COLEC10: variants seen among roughly 807,000 people sequenced by gnomAD.
COLEC10 encodes the protein collectin subfamily member 10.
In COLEC10, 22 loss-of-function variants were observed where a neutral mutation model predicts 28.4. The observed-to-expected ratio is 0.78, with a 90% CI of 0.55 to 1.11. The LOEUF (loss-of-function observed/expected upper bound fraction) is 1.11. Ranked by LOEUF, COLEC10 falls within the 50% of genes least tolerant of loss-of-function variation. COLEC10 has a pLI of 0.00. For synonymous variants in COLEC10, 125 were observed against 116.1 expected (o/e 1.08, Z -0.49); for missense variants, 361 against 344.1 (o/e 1.05, Z -0.39).
At chr8:119,011,215 TC>T (rs1342018052) in intron 2 of COLEC10, among the ~76,000 whole-genome samples, 9 of 151,072 alleles carry the variant, frequency 6.0e-5, no homozygotes, top group African/African-American at 2.2e-4. Flanking sequence ...GTCCAGTTGT[TC>T]CAGCACTTTG....
chr8:118,983,713 G>T, the COLEC10 span, among the ~76,000 whole-genome samples: 1 of 152,084 alleles, frequency 6.6e-6, no homozygotes, highest in Non-Finnish European at 1.5e-5. Context: ...CTTACATGCA[G>T]CCAACAAGCA....
At chr8:118,957,769 G>A in the COLEC10 span, among the ~76,000 whole-genome samples, 3 of 152,140 alleles carry the variant, frequency 2.0e-5, no homozygotes, top group African/African-American at 7.2e-5. Context: ...AGCCAATCCT[G>A]CACCTCACAT....
At chr8:118,971,816 C>A in the COLEC10 span, among the ~76,000 whole-genome samples, 2 of 151,902 alleles carry the variant, frequency 1.3e-5, no homozygotes, top group African/African-American at 4.8e-5. Context: ...GATCACTTGG[C>A]TAAAAATTTC....
At chr8:119,057,201 TA>T (rs546391711) in intron 2 of COLEC10, among the ~76,000 whole-genome samples, 1,617 of 152,160 alleles carry the variant, frequency 0.011, 16 homozygotes, top group Non-Finnish European at 0.017. Flanking sequence ...CTGATGGTTT[TA>T]TAAGTGTTTG....
In COLEC10 at chr8:119,038,457, GAACA is replaced by G. The variant is rs1207776864; in HGVS notation, n.235+28909_235+28912del. Among the ~76,000 whole-genome samples, 4 of 152,282 alleles carry G rather than the reference GAACA, an allele frequency of 2.6e-5. No homozygotes were observed. The East Asian group carries it at 5.8e-4, about 22-fold the overall frequency. On this transcript the variant is annotated intron_variant and non_coding_transcript_variant, in intron 2 of 6. Transcript: ENST00000521788. Reference sequence around the variant, plus strand: ...TTGGAAAAAGGGAAGACCATAGTGTGAACAAACAGTCTTCTTTTAAACTTTCTTA... The same window carrying G: ...TTGGAAAAAGGGAAGACCATAGTGTGAACAGTCTTCTTTTAAACTTTCTTA...
In COLEC10 at chr8:119,093,959, C is replaced by T. The variant is rs151213371; in HGVS notation, c.292+2739C>T. ...GGAGTGGATACAAGAATCTTGGGAG[C>T]TAGCTAAGAGGAGCTTGAGGGAGAA... On this transcript the variant is annotated intron_variant, in intron 3 of 5. Transcript: ENST00000332843. 7.7e-3 allele frequency among the ~76,000 whole-genome samples: 1,179 copies of T among 152,280 alleles called. 9 individuals carry two copies. Among genetic ancestry groups the T allele is most frequent in the Non-Finnish European group, 0.013 (863 of 67,998 alleles).
At chr8:119,084,078 C>T (rs1421758023) in intron 1 of COLEC10, among the ~76,000 whole-genome samples, 3 of 152,132 alleles carry the variant, frequency 2.0e-5, no homozygotes, top group African/African-American at 7.2e-5. Flanking sequence ...AAAAGACATA[C>T]AAAGAAAGCT....
chr8:119,062,884 C>A (rs1353649694), upstream of COLEC10: 1 of 152,156 alleles, frequency 6.6e-6, no homozygotes, highest in Non-Finnish European at 1.5e-5. Context: ...AAAAGTCATT[C>A]TACTAATTTT....
At chr8:119,009,037 G>C (rs1813858334) in intron 1 of COLEC10, among the ~76,000 whole-genome samples, 1 of 150,912 alleles carries the variant, frequency 6.6e-6, no homozygotes, top group South Asian at 2.1e-4. Flanking sequence ...TTCTCTGTTA[G>C]GCGGGCAGTG....
chr8:119,057,536 C>T (rs1814785961), intron 2 of COLEC10, among the ~76,000 whole-genome samples: 1 of 152,018 alleles, frequency 6.6e-6, no homozygotes, highest in South Asian at 2.1e-4. Flanking sequence ...ATTTTCCACA[C>T]TAATGACAAC....
intron 2 of COLEC10, among the ~76,000 whole-genome samples, chr8:119,055,330 C>T (rs1814742358): frequency 6.6e-6 from 1 of 152,014 alleles, no homozygotes. Flanking sequence ...CATCTCTGAC[C>T]TCTGTGTATA....
chr8:119,044,652 C>T (rs567027551), intron 2 of COLEC10, among the ~76,000 whole-genome samples: 10 of 151,976 alleles, frequency 6.6e-5, no homozygotes, highest in African/African-American at 2.4e-4. Flanking sequence ...GCCAGGAGTT[C>T]GAAACCAGCC....
chr8:119,017,722 T>G (rs1340096769), intron 2 of COLEC10, among the ~76,000 whole-genome samples: 1 of 152,202 alleles, frequency 6.6e-6, no homozygotes, highest in Non-Finnish European at 1.5e-5. Context: ...TATCTATTGG[T>G]GTTTTTCTTA....
At chr8:118,967,324 G>A in the COLEC10 span, among the ~76,000 whole-genome samples, 3 of 152,178 alleles carry the variant, frequency 2.0e-5, no homozygotes, top group East Asian at 5.8e-4. Context: ...AAAATGGAAA[G>A]AAAACCAAAG....
At chr8:119,062,682 G>C (rs1384381867), upstream of COLEC10, among the ~76,000 whole-genome samples, 1 of 152,106 alleles carries the variant, frequency 6.6e-6, no homozygotes, top group African/African-American at 2.4e-5. Context: ...GTTTCACCAT[G>C]TTGGCCAGGC....
chr8:118,979,485 C>T, the COLEC10 span, among the ~76,000 whole-genome samples: 1 of 151,536 alleles, frequency 6.6e-6, no homozygotes, highest in South Asian at 2.1e-4. Flanking sequence ...AATAACTTTC[C>T]ACCTAGAATT....
chr8:119,053,286 T>C (rs927585682), intron 2 of COLEC10, among the ~76,000 whole-genome samples: 7 of 152,012 alleles, frequency 4.6e-5, no homozygotes, highest in Admixed American at 2.6e-4. Flanking sequence ...TAAAAAGAGA[T>C]GAGCAGCAGT....
At chr8:119,076,124 G>A (rs1409113393) in intron 1 of COLEC10, among the ~76,000 whole-genome samples, 1 of 144,230 alleles carries the variant, frequency 6.9e-6, no homozygotes, top group African/African-American at 2.6e-5. Context: ...TGTTAGCCAG[G>A]ACAGTCTTGA....
chr8:119,064,780 G>A (rs1814922484), upstream of COLEC10, among the ~76,000 whole-genome samples: 1 of 151,884 alleles, frequency 6.6e-6, no homozygotes, highest in Admixed American at 6.6e-5. Flanking sequence ...GCAGGATTTT[G>A]GGAAATAATT....
Sources: gnomAD v4.1 joint callset for allele counts (sites outside exome capture counted in the v4.1 genomes callset) on GRCh38, gnomAD v4.1.1 for gene constraint, MANE v1.5 for transcripts, NCBI Gene and HGNC (gene_info 2026-07-23, HGNC 2026-07-21) for gene names.